Variants in SORBS2 observed in about 807,000 individuals in gnomAD.
SORBS2 encodes the protein sorbin and SH3 domain containing 2, also known as sorbin and SH3 domain-containing protein 2.
In SORBS2, 46 loss-of-function variants were observed where a neutral mutation model predicts 97.7. That is an observed-to-expected ratio of 0.47 (90% confidence interval 0.37 to 0.60). The LOEUF (loss-of-function observed/expected upper bound fraction) is 0.60. Among genes scored for constraint, SORBS2 ranks in the 20% least tolerant of loss-of-function variants. The pLI is 0.00. For missense variants in SORBS2, 1,316 were observed against 1,282.3 expected (o/e 1.03, Z -0.40); for synonymous variants, 476 against 473.4 (o/e 1.01, Z -0.07).
chr4:185,737,241 G>A (rs1020098256), intron 2 of SORBS2, among the ~76,000 whole-genome samples: 1 of 152,164 alleles, frequency 6.6e-6, no homozygotes, highest in Admixed American at 6.5e-5. Flanking sequence ...TTCCAGGTTG[G>A]GGGTATAAAG....
chr4:185,740,482 G>A (rs989779776), intron 2 of SORBS2, among the ~76,000 whole-genome samples: 1 of 152,224 alleles, frequency 6.6e-6, no homozygotes, highest in Non-Finnish European at 1.5e-5. Context: ...AATGCTCTGT[G>A]GCTTTGGCGT....
intron 1 of SORBS2, among the ~76,000 whole-genome samples, chr4:185,861,267 G>T (rs1410080329): frequency 6.7e-6 from 1 of 149,022 alleles, no homozygotes; most frequent in Non-Finnish European, 1.5e-5. Context: ...TCTTTGGAAT[G>T]CCCTTGGCTG....
At chr4:185,940,551 G>A (rs909125120) in intron 1 of SORBS2, among the ~76,000 whole-genome samples, 4 of 152,006 alleles carry the variant, frequency 2.6e-5, no homozygotes, top group African/African-American at 9.7e-5. Context: ...TCATTCTCTG[G>A]CTTAATATCC....
chr4:185,690,595 T>G, intron 2 of SORBS2: 1 of 1,496,746 alleles, frequency 6.7e-7, no homozygotes, highest in Non-Finnish European at 9.0e-7. Flanking sequence ...AGTTTGTTAT[T>G]AAAGTCTTCA....
chr4:185,944,819 G>A (rs1315162515), intron 1 of SORBS2, among the ~76,000 whole-genome samples: 3 of 152,114 alleles, frequency 2.0e-5, no homozygotes, highest in African/African-American at 7.2e-5. Flanking sequence ...ATAAAACAAT[G>A]AGCTTTTCTC....
intron 4 of SORBS2, chr4:185,666,014 G>A (rs185277976): frequency 4.7e-6 from 6 of 1,288,898 alleles, no homozygotes; most frequent in South Asian, 1.2e-5. Flanking sequence ...TTATGCAGGC[G>A]TGAAGACCCC....
intron 1 of SORBS2, among the ~76,000 whole-genome samples, chr4:185,858,825 TC>T (rs2099222119): frequency 6.6e-6 from 1 of 152,256 alleles, no homozygotes; most frequent in South Asian, 2.1e-4. Context: ...CTTTTCATTT[TC>T]TTTCCTTGTG....
At chr4:185,635,929 G>A (rs769168262) in intron 4 of SORBS2, among the ~76,000 whole-genome samples, 32 of 152,150 alleles carry the variant, frequency 2.1e-4, no homozygotes, top group Non-Finnish European at 4.3e-4. Context: ...CACCGTCTCA[G>A]CTCACTGCAA....
intron 1 of SORBS2, among the ~76,000 whole-genome samples, chr4:185,928,557 T>C (rs1026934576): frequency 1.3e-5 from 2 of 152,106 alleles, no homozygotes; most frequent in African/African-American, 2.4e-5. Context: ...TTCTTCTTCT[T>C]TTTTTTGAGA....
chr4:185,661,037 G>A (rs1400085254), upstream of SORBS2, among the ~76,000 whole-genome samples: 1 of 152,130 alleles, frequency 6.6e-6, no homozygotes, highest in Admixed American at 6.5e-5. Flanking sequence ...CACTTAGGGA[G>A]GTCGAGGCAG....
intron 1 of SORBS2, among the ~76,000 whole-genome samples, chr4:185,947,642 G>T (rs979069505): frequency 6.6e-6 from 1 of 151,566 alleles, no homozygotes; most frequent in African/African-American, 2.4e-5. Flanking sequence ...ATGGAGTTTC[G>T]CTCTTGTTGC....
chr4:185,878,521 T>G (rs750552589), intron 1 of SORBS2, among the ~76,000 whole-genome samples: 6 of 152,086 alleles, frequency 3.9e-5, no homozygotes, highest in Non-Finnish European at 8.8e-5. Flanking sequence ...CCCATCCCCA[T>G]ATCCAAGCCC....
chr4:185,587,633 C>T, exon 15 of SORBS2: 1 of 1,613,278 alleles, frequency 6.2e-7, no homozygotes, highest in South Asian at 1.1e-5. Context: ...CAATTCACAG[C>T]CTCTTGACGT....
At chr4:185,876,635 G>A (rs1192906339) in intron 1 of SORBS2, among the ~76,000 whole-genome samples, 6 of 152,100 alleles carry the variant, frequency 3.9e-5, no homozygotes, top group Non-Finnish European at 7.3e-5. Flanking sequence ...AGTTACCACT[G>A]GTGAGCTTTT....
At chr4:185,792,629 A>G (rs923411096) in intron 1 of SORBS2, among the ~76,000 whole-genome samples, 1 of 152,176 alleles carries the variant, frequency 6.6e-6, no homozygotes, top group Non-Finnish European at 1.5e-5. Flanking sequence ...TTCAGAAAAA[A>G]AATTGTTGAC....
intron 1 of SORBS2, among the ~76,000 whole-genome samples, chr4:185,849,334 C>T (rs73019821): frequency 1.9e-3 from 289 of 152,214 alleles, no homozygotes; most frequent in African/African-American, 6.6e-3. Flanking sequence ...AAGGCTCAGC[C>T]CATTGTATTT....
intron 1 of SORBS2, among the ~76,000 whole-genome samples, chr4:185,916,465 A>G (rs552127232): frequency 4.9e-4 from 74 of 152,294 alleles, no homozygotes; most frequent in Non-Finnish European, 7.5e-4. Context: ...AAGCATAGTG[A>G]GCCAATTCAT....
intron 14 of SORBS2, 59 bp downstream of exon 26, chr4:185,589,620 G>C: frequency 1.1e-6 from 1 of 911,456 alleles, no homozygotes; most frequent in South Asian, 1.4e-5. Context: ...CCACGGGAGT[G>C]AGCAAACTCA....
intron 4 of SORBS2, among the ~76,000 whole-genome samples, chr4:185,645,342 T>A (rs2097190708): frequency 6.6e-6 from 1 of 152,214 alleles, no homozygotes; most frequent in Non-Finnish European, 1.5e-5. Context: ...TGATACTCAA[T>A]CACAGAAACT....
Sources: gnomAD v4.1 joint callset for allele counts (sites outside exome capture counted in the v4.1 genomes callset) on GRCh38, gnomAD v4.1.1 for gene constraint, MANE v1.5 for transcripts, NCBI Gene and HGNC (gene_info 2026-07-23, HGNC 2026-07-21) for gene names.